RAP1GAP: variants seen among roughly 807,000 people sequenced by gnomAD.
RAP1GAP encodes rap1 GTPase-activating protein 1.
Under a neutral mutation model 87.2 loss-of-function variants are expected in RAP1GAP, and 35 were observed. That is an observed-to-expected ratio of 0.40 (90% CI 0.31 to 0.53). The LOEUF (loss-of-function observed/expected upper bound fraction) is 0.53. Ranked by LOEUF, RAP1GAP falls within the 20% of genes least tolerant of loss-of-function variation. RAP1GAP has a pLI of 0.48. For missense variants in RAP1GAP, 734 were observed against 898.9 expected (o/e 0.82, Z 2.35); for synonymous variants, 375 against 363.9 (o/e 1.03, Z -0.35).
At chr1:21,635,559 C>A (rs2094548487) in intron 2 of RAP1GAP, among the ~76,000 whole-genome samples, 1 of 152,200 alleles carries the variant, frequency 6.6e-6, no homozygotes, top group African/African-American at 2.4e-5. Flanking sequence ...GGCTTCACTG[C>A]CTAGACAGTG....
chr1:21,650,674 G>A (rs773788102), intron 1 of RAP1GAP, among the ~76,000 whole-genome samples: 2 of 152,242 alleles, frequency 1.3e-5, no homozygotes, highest in Non-Finnish European at 2.9e-5. Context: ...AGTGAGGTCA[G>A]AGAAGCCAGG....
chr1:21,631,073 C>A (rs932752449), intron 2 of RAP1GAP, among the ~76,000 whole-genome samples: 1 of 152,186 alleles, frequency 6.6e-6, no homozygotes, highest in Non-Finnish European at 1.5e-5. Context: ...ACCCGAACCT[C>A]TCTGTCCCTC....
chr1:21,610,875 C>G (rs548200651), intron 13 of RAP1GAP, among the ~76,000 whole-genome samples: 1 of 152,324 alleles, frequency 6.6e-6, no homozygotes, highest in South Asian at 2.1e-4. Context: ...ATTTTTCTCA[C>G]ATTTCCTTTT....
intron 1 of RAP1GAP, among the ~76,000 whole-genome samples, chr1:21,657,277 A>C (rs546893647): frequency 3.4e-4 from 52 of 152,366 alleles, no homozygotes; most frequent in African/African-American, 1.2e-3. Context: ...GTCCCCCATC[A>C]GTGCACATGC....
At chr1:21,639,411 C>T (rs1280913631) in intron 2 of RAP1GAP, among the ~76,000 whole-genome samples, 1 of 152,220 alleles carries the variant, frequency 6.6e-6, no homozygotes, top group Non-Finnish European at 1.5e-5. Flanking sequence ...GTGTCTGAGT[C>T]TGGATGGGCC....
In RAP1GAP at chr1:21,613,809, G is replaced by C. The variant is rs1322934823; in HGVS notation, c.396-103C>G. On this transcript the variant is annotated intron_variant, in intron 8 of 24. Coordinates refer to ENST00000374765, the MANE Select transcript of RAP1GAP (RefSeq NM_002885.4). The surrounding 1 kb of genome is among the most constrained non-coding windows in gnomAD (Gnocchi z 4.7). Reference sequence around the variant, plus strand: ...GCCAGAAGGGGGTGGACCACAGCGAGGACCAGAGGTGATGATGGGTGTCAG... The same window carrying C: ...GCCAGAAGGGGGTGGACCACAGCGACGACCAGAGGTGATGATGGGTGTCAG... The C allele has an allele frequency of 5.5e-6, 7 of 1,272,878 alleles. No homozygotes were observed. The East Asian group carries it at 1.4e-4, about 25-fold the overall frequency. The allele number at this position is 1,272,878 out of a possible 1,614,324, so 78.8% of individuals were successfully genotyped here. A position where few individuals can be genotyped will look rare whatever the true frequency, so the allele number is the denominator to read the frequency against.
At chr1:21,606,702 C>T (rs1360009614) in intron 17 of RAP1GAP, among the ~76,000 whole-genome samples, 1 of 152,170 alleles carries the variant, frequency 6.6e-6, no homozygotes, top group Non-Finnish European at 1.5e-5. Flanking sequence ...CCAATCTACA[C>T]CAAATGCTTG....
chr1:21,658,619 C>A (rs971972894), intron 1 of RAP1GAP, among the ~76,000 whole-genome samples: 1 of 152,114 alleles, frequency 6.6e-6, no homozygotes, highest in Non-Finnish European at 1.5e-5. Context: ...AGGTGGTTCA[C>A]ACCTGTAATC....
chr1:21,604,228 C>T (rs112476738), intron 18 of RAP1GAP, among the ~76,000 whole-genome samples: 23 of 151,166 alleles, frequency 1.5e-4, no homozygotes, highest in Middle Eastern at 3.4e-3. Context: ...GAGACAGGGA[C>T]GCAAGGACAC....
chr1:21,602,450 C>A (rs540770904), intron 19 of RAP1GAP, among the ~76,000 whole-genome samples: 1 of 152,342 alleles, frequency 6.6e-6, no homozygotes, highest in African/African-American at 2.4e-5. Flanking sequence ...TCTGTGGCCA[C>A]CCTGAAAACC....
chr1:21,609,514 C>T lies in RAP1GAP; in HGVS notation c.1071+61G>A. The stretch of plus-strand genomic sequence containing the variant: ...GACCTCATAAGGCAGAATGTGTATG[C>T]ACCCCCCAGGCCCCCACCCATTTGT... On this transcript the variant is annotated intron_variant, in intron 15 of 24. Transcript: ENST00000374765. The surrounding 1 kb of genome is among the most constrained non-coding windows in gnomAD (Gnocchi z 4.4). 2.0e-6 allele frequency: 2 copies of T among 1,013,870 alleles called. No individual in the cohort carries two copies. Among genetic ancestry groups the T allele is most frequent in the Non-Finnish European group, 2.8e-6 (2 of 724,744 alleles). The allele number at this position is 1,013,870 out of a possible 1,614,324, so 62.8% of individuals were successfully genotyped here.
At chr1:21,660,444 T>C (rs1290001494) in intron 1 of RAP1GAP, among the ~76,000 whole-genome samples, 1 of 149,914 alleles carries the variant, frequency 6.7e-6, no homozygotes, top group African/African-American at 2.5e-5. Flanking sequence ...AGCGATTCTC[T>C]CGCTTCAGCC....
rs1480161995 is a variant in RAP1GAP, at chr1:21,616,715, G to C, written c.291+591C>G. ...GCTCTGTGCTGGTGGTGGGGCAGGG[G>C]CTGCATCAACCCATGACATTACTGT... is the stretch of plus-strand genomic sequence containing the variant. On this transcript the variant is annotated intron_variant, in intron 7 of 24. Transcript: ENST00000374765. 5.9e-5 allele frequency among the ~76,000 whole-genome samples: 9 copies of C among 152,350 alleles called. No individual in the cohort carries two copies. The East Asian group carries it at 9.6e-4, about 16-fold the overall frequency.
Position 21,614,099 on chromosome 1 carries a change from G to T in RAP1GAP, c.292-10C>A. On this transcript the variant is annotated splice_polypyrimidine_tract_variant and intron_variant, in intron 7 of 24. Coordinates refer to ENST00000374765, the MANE Select transcript of RAP1GAP (RefSeq NM_002885.4). ...AGTAATTGAAATGCTCCTGCAGTGGGAGGTGGGGGCCAGGGGAGTGGGTGA... is the reference window on the plus strand; with the variant it reads ...AGTAATTGAAATGCTCCTGCAGTGGTAGGTGGGGGCCAGGGGAGTGGGTGA... 1 of 1,568,244 alleles carries T rather than the reference G, an allele frequency of 6.4e-7. No homozygotes were observed. Among genetic ancestry groups the T allele is most frequent in the Non-Finnish European group, 8.7e-7 (1 of 1,143,778 alleles).
intron 3 of RAP1GAP, among the ~76,000 whole-genome samples, chr1:21,621,927 G>A (rs1429843552): frequency 1.3e-5 from 2 of 152,260 alleles, no homozygotes; most frequent in Non-Finnish European, 2.9e-5. Context: ...TACAGCCTCA[G>A]AGGGAGCAGC....
At chr1:21,600,782 G>A (rs1205284712) in intron 20 of RAP1GAP, among the ~76,000 whole-genome samples, 3 of 149,972 alleles carry the variant, frequency 2.0e-5, no homozygotes, top group Non-Finnish European at 4.4e-5. Flanking sequence ...CTACTTGGGG[G>A]GCTGAGGCAG....
intron 21 of RAP1GAP, 59 bp downstream of exon 21, chr1:21,599,435 G>A: frequency 6.4e-7 from 1 of 1,560,276 alleles, no homozygotes; most frequent in South Asian, 1.2e-5. Context: ...GCATCTCCAG[G>A]GACCAAAGAG....
chr1:21,659,726 GCT>G (rs1319857130), intron 1 of RAP1GAP, among the ~76,000 whole-genome samples: 2 of 152,222 alleles, frequency 1.3e-5, no homozygotes, highest in Non-Finnish European at 2.9e-5. Flanking sequence ...GCTCTTCCGA[GCT>G]CTTCGGGACC....
At chr1:21,619,821 G>C (rs772999386) in intron 4 of RAP1GAP, among the ~76,000 whole-genome samples, 194 bp downstream of exon 4, 1 of 152,060 alleles carries the variant, frequency 6.6e-6, no homozygotes, top group Non-Finnish European at 1.5e-5. Flanking sequence ...GATGGACTCC[G>C]GCATCAGAGA....
Sources: allele counts gnomAD v4.1 joint callset (sites outside exome capture counted in the v4.1 genomes callset), GRCh38; gene constraint gnomAD v4.1.1; non-coding constraint Gnocchi (gnomAD v3.1); transcripts MANE v1.5; gene names NCBI Gene and HGNC (gene_info 2026-07-23, HGNC 2026-07-21).